Variants in ANGPT4 observed in about 807,000 individuals in gnomAD.
ANGPT4 encodes the protein angiopoietin 4.
ANGPT4 carries 50 observed loss-of-function variants against 53.0 expected under a neutral mutation model. The ratio of observed to expected loss-of-function variants is 0.94; its 90% CI spans 0.75 to 1.20. The LOEUF is 1.20. Among genes scored for constraint, ANGPT4 ranks in the 50% most tolerant of loss-of-function variants. The pLI is 0.00. For synonymous variants in ANGPT4, 251 were observed against 259.7 expected (o/e 0.97, Z 0.32); for missense variants, 648 against 637.1 (o/e 1.02, Z -0.18).
chr20:912,517 G>C (rs1341272388), intron 1 of ANGPT4, among the ~76,000 whole-genome samples: 3 of 152,176 alleles, frequency 2.0e-5, no homozygotes, highest in Admixed American at 1.3e-4. Context: ...CATATGAGCG[G>C]GGTGGAGCAG....
chr20:879,474 CT>C (rs763322702), intron 6 of ANGPT4, among the ~76,000 whole-genome samples: 1 of 151,946 alleles, frequency 6.6e-6, no homozygotes, highest in Non-Finnish European at 1.5e-5. Context: ...CCTTTGTATT[CT>C]TTAAAAAATT....
chr20:882,796 TCAATAA>T (rs1981460873), intron 4 of ANGPT4, among the ~76,000 whole-genome samples: 4 of 152,276 alleles, frequency 2.6e-5, no homozygotes, highest in Admixed American at 2.0e-4. Flanking sequence ...TACAACAATA[TCAATAA>T]CAATAACAAC....
chr20:899,856 G>A (rs968726567), intron 1 of ANGPT4, among the ~76,000 whole-genome samples: 2 of 152,182 alleles, frequency 1.3e-5, no homozygotes, highest in Non-Finnish European at 2.9e-5. Flanking sequence ...ACACCCATCA[G>A]CCTCAGCAAC....
chr20:910,659 T>C (rs988498351), intron 1 of ANGPT4, among the ~76,000 whole-genome samples: 1 of 152,196 alleles, frequency 6.6e-6, no homozygotes. Flanking sequence ...GAAGAAGGTC[T>C]GTGTACATCC....
intron 1 of ANGPT4, among the ~76,000 whole-genome samples, chr20:907,280 G>A (rs1263360966): frequency 6.6e-6 from 1 of 152,116 alleles, no homozygotes; most frequent in Non-Finnish European, 1.5e-5. Flanking sequence ...TGGGGTGGCA[G>A]GTCCAGTGTT....
intron 1 of ANGPT4, among the ~76,000 whole-genome samples, chr20:895,130 G>A (rs570199566): frequency 7.2e-5 from 11 of 152,332 alleles, no homozygotes; most frequent in African/African-American, 2.2e-4. Flanking sequence ...GCACCAGCTG[G>A]AAGGGCAGGG....
chr20:902,356 T>G (rs891622505), intron 1 of ANGPT4, among the ~76,000 whole-genome samples: 20 of 151,992 alleles, frequency 1.3e-4, no homozygotes, highest in Non-Finnish European at 2.2e-4. Flanking sequence ...AAAAAGGACA[T>G]GCTTTTCCCA....
intron 3 of ANGPT4, among the ~76,000 whole-genome samples, chr20:887,145 G>T (rs1345782630): frequency 6.6e-6 from 1 of 152,186 alleles, no homozygotes; most frequent in Non-Finnish European, 1.5e-5. Context: ...AACTCATTCT[G>T]CAGACTAAGA....
chr20:885,749 G>A (rs1981595093), intron 3 of ANGPT4, among the ~76,000 whole-genome samples: 1 of 152,164 alleles, frequency 6.6e-6, no homozygotes, highest in Non-Finnish European at 1.5e-5. Context: ...GGCTGAATCC[G>A]TTGCGTTTTG....
intron 1 of ANGPT4, among the ~76,000 whole-genome samples, chr20:902,527 A>G (rs1309298205): frequency 6.6e-6 from 1 of 152,022 alleles, no homozygotes; most frequent in African/African-American, 2.4e-5. Context: ...CATTGTGTAT[A>G]CTCACCTCAG....
chr20:916,262 C>T lies in ANGPT4; in HGVS notation c.-48G>A. On this transcript the variant is annotated 5_prime_UTR_variant, in exon 1 of 9. Coordinates refer to ENST00000381922, the MANE Select transcript of ANGPT4 (RefSeq NM_015985.4). ...GGATGTCTGCTCAGAGCCCTAGGGG[C>T]TGTGCCTGGGATGTCCTGCTGCAGC... The T allele has an allele frequency of 6.4e-7, 1 of 1,568,350 alleles. No individual in the cohort carries two copies.
At chr20:915,003 A>G (rs1448319706) in intron 1 of ANGPT4, among the ~76,000 whole-genome samples, 4 of 152,026 alleles carry the variant, frequency 2.6e-5, no homozygotes, top group Non-Finnish European at 5.9e-5. Flanking sequence ...TCCAGAACCC[A>G]CCAGAATCTT....
chr20:887,589 C>G (rs1470029053), intron 3 of ANGPT4, among the ~76,000 whole-genome samples: 1 of 150,222 alleles, frequency 6.7e-6, no homozygotes, highest in Admixed American at 6.6e-5. Context: ...GAGGTGAAAT[C>G]AGCCTTAGCT....
chr20:885,685 A>G (rs1272264597), intron 3 of ANGPT4, among the ~76,000 whole-genome samples: 1 of 152,184 alleles, frequency 6.6e-6, no homozygotes, highest in African/African-American at 2.4e-5. Context: ...ATAGAAAAAC[A>G]AACTAACCAA....
Position 887,817 on chromosome 20 carries a change from G to A in ANGPT4, c.587+501C>T, listed in dbSNP as rs113693701. 8.8e-3 allele frequency among the ~76,000 whole-genome samples: 1,343 copies of A among 151,970 alleles called. 32 individuals are homozygous for A. Among genetic ancestry groups the A allele is most frequent in the African/African-American group, 0.03 (1,258 of 41,398 alleles). The stretch of plus-strand genomic sequence containing the variant: ...AGAAGTAAAGCCAATAAAGTTTACC[G>A]GATGAATAGTATGGTGGGTGAATTA... On this transcript the variant is annotated intron_variant, in intron 3 of 8. Coordinates refer to ENST00000381922, the MANE Select transcript of ANGPT4 (RefSeq NM_015985.4).
chr20:885,154 G>C lies in ANGPT4; in HGVS notation c.759C>G (p.Asp253Glu). Residue 253 changes from aspartate to glutamate, a missense_variant, in exon 4 of 9, where the codon GAC (aspartate) becomes GAG (glutamate). Coordinates refer to ENST00000381922, the MANE Select transcript of ANGPT4 (RefSeq NM_015985.4). The part of the protein sequence containing the change: ...GVRHNSSLLQ[D>E]QQHSLRQLLV... ...GCAGCTGGCGCAGGCTGTGCTGCTG[G>C]TCCTGCAGGAGGCTGGAGTTGTGCC... 6.2e-7 allele frequency: 1 copy of C among 1,611,168 alleles called. No homozygotes were observed. Among genetic ancestry groups the C allele is most frequent in the Non-Finnish European group, 8.5e-7 (1 of 1,178,964 alleles).
chr20:912,224 C>G (rs918794644), intron 1 of ANGPT4, among the ~76,000 whole-genome samples: 2 of 152,220 alleles, frequency 1.3e-5, no homozygotes, highest in African/African-American at 4.8e-5. Context: ...GGCAGTCACA[C>G]ACGGGAGCCC....
chr20:876,144 CAA>C (rs3030778), intron 7 of ANGPT4, among the ~76,000 whole-genome samples: 31,558 of 98,248 alleles, frequency 0.32, 3,985 homozygotes, highest in East Asian at 0.5. Flanking sequence ...AGCCCTGTCT[CAA>C]AAAAAAAAAA....
intron 1 of ANGPT4, among the ~76,000 whole-genome samples, chr20:907,771 C>G (rs868232725): frequency 3.3e-5 from 5 of 152,028 alleles, no homozygotes; most frequent in Middle Eastern, 3.4e-3. Context: ...CCCCTGCCCA[C>G]CCCCCAACCT....
Sources: allele counts gnomAD v4.1 joint callset (sites outside exome capture counted in the v4.1 genomes callset), GRCh38; gene constraint gnomAD v4.1.1; transcripts MANE v1.5; gene names NCBI Gene and HGNC (gene_info 2026-07-23, HGNC 2026-07-21).